The following RELN variants were observed in gnomAD, a reference collection of about 807,000 sequenced individuals.
RELN encodes the protein reelin.
A neutral mutation model predicts 427.6 loss-of-function variants in RELN; 108 were observed. The observed-to-expected ratio is 0.25, with a 90% CI of 0.22 to 0.30. RELN has a LOEUF of 0.30. Ranked by LOEUF, RELN falls within the 10% of genes least tolerant of loss-of-function variation. RELN has a pLI of 1.00. For missense variants in RELN, 3,715 were observed against 4,302.8 expected (o/e 0.86, Z 3.82); for synonymous variants, 1,524 against 1,513.4 (o/e 1.01, Z -0.16).
Position 103,557,063 on chromosome 7 carries a change from G to A in RELN, c.5711C>T (p.Thr1904Met), listed in dbSNP as rs114190729. 822 of 1,613,258 alleles carry A rather than the reference G, an allele frequency of 5.1e-4. No homozygotes were observed. The highest frequency in any genetic ancestry group is 1.0e-3 in the East Asian group (45 of 44,870). ...LMDEFYFPQT[T>M]NILFINVPLP... ...GGGAACATTGATGAAAAGTATATTC[G>A]TTGTTTGAGGAAAGTAAAATTCATC... The change falls in exon 38 of 65, where the codon ACG becomes ATG. Residue 1904 changes from threonine to methionine, a missense_variant. Around this residue, in one of 4 missense-constraint regions of RELN, gnomAD observed 2,208 missense variants for 2,361.7 expected, o/e 0.93. Transcript: ENST00000428762.
rs113185313 is a variant in RELN at position 103,836,482 on chromosome 7, C to T, written c.338-2810G>A. Among the ~76,000 whole-genome samples, 1,354 of 152,234 alleles carry T rather than the reference C, an allele frequency of 8.9e-3. 20 individuals are homozygous for T. Among genetic ancestry groups the T allele is most frequent in the African/African-American group, 0.03 (1,259 of 41,526 alleles). ...TCATAGAAAGCTCTATTGATGTCAC[C>T]GGCCTTCAAGAAGACTCTGAATAGT... On this transcript the variant is annotated intron_variant, in intron 2 of 64. Coordinates refer to ENST00000428762, the MANE Select transcript of RELN (RefSeq NM_005045.4).
intron 41 of RELN, among the ~76,000 whole-genome samples, chr7:103,546,437 C>T (rs745342132): frequency 2.0e-5 from 3 of 152,152 alleles, no homozygotes; most frequent in Non-Finnish European, 2.9e-5. Context: ...TTTTTGGCTA[C>T]TGTGAATAGT....
At chr7:103,490,374 G>T (rs776661237) in intron 59 of RELN, among the ~76,000 whole-genome samples, 1 of 152,070 alleles carries the variant, frequency 6.6e-6, no homozygotes, top group Non-Finnish European at 1.5e-5. Context: ...CTTGGATTGG[G>T]GTCTGTCATT....
intron 11 of RELN, among the ~76,000 whole-genome samples, chr7:103,680,810 G>A (rs1453740173): frequency 6.6e-6 from 1 of 152,032 alleles, no homozygotes; most frequent in Non-Finnish European, 1.5e-5. Flanking sequence ...GAAACTTCAG[G>A]GTGTCAGGAA....
intron 6 of RELN, among the ~76,000 whole-genome samples, chr7:103,728,498 CAT>C (rs1193808693): frequency 9.9e-5 from 15 of 152,120 alleles, no homozygotes; most frequent in African/African-American, 3.4e-4. Context: ...CTAAATCTCA[CAT>C]AGTTATTGTG....
At chr7:103,924,991 T>TACAC (rs57662220) in intron 1 of RELN, among the ~76,000 whole-genome samples, 5,211 of 48,604 alleles carry the variant, frequency 0.11, 141 homozygotes, top group Non-Finnish European at 0.17. Context: ...CGCATACACA[T>TACAC]ACACACACAC....
intron 3 of RELN, among the ~76,000 whole-genome samples, chr7:103,783,624 C>T (rs1791948112): frequency 6.6e-6 from 1 of 152,126 alleles, no homozygotes; most frequent in Admixed American, 6.6e-5. Context: ...CAAAGTCTAC[C>T]TGTCCTTAAA....
chr7:103,805,856 C>T (rs1348270311), intron 3 of RELN, among the ~76,000 whole-genome samples: 10 of 152,128 alleles, frequency 6.6e-5, no homozygotes, highest in Admixed American at 6.6e-4. Context: ...CTAGAGAGGA[C>T]AGTGATTGCC....
intron 8 of RELN, among the ~76,000 whole-genome samples, chr7:103,718,335 A>G (rs1343457382): frequency 3.7e-4 from 20 of 53,574 alleles, no homozygotes; most frequent in African/African-American, 1.6e-3. Flanking sequence ...AAAGCAGCAA[A>G]AAAAAAAAAA....
chr7:103,655,400 C>T (rs1833003253), intron 12 of RELN, among the ~76,000 whole-genome samples: 1 of 152,020 alleles, frequency 6.6e-6, no homozygotes, highest in East Asian at 1.9e-4. Context: ...TATCTACAGG[C>T]AATTGCTGTT....
At chr7:103,816,698 G>A (rs1261115912) in intron 3 of RELN, among the ~76,000 whole-genome samples, 2 of 152,066 alleles carry the variant, frequency 1.3e-5, no homozygotes, top group South Asian at 4.1e-4. Context: ...GGCCTTGAGA[G>A]GCTTCTCCAA....
intron 3 of RELN, among the ~76,000 whole-genome samples, chr7:103,786,427 G>A (rs985572394): frequency 7.4e-5 from 11 of 149,520 alleles, no homozygotes; most frequent in African/African-American, 2.7e-4. Context: ...ACCCATCAAT[G>A]TGCTGTATTC....
At chr7:103,478,348 T>A in intron 64 of RELN, 41 bp downstream of exon 64, 1 of 749,946 alleles carries the variant, frequency 1.3e-6, no homozygotes, top group African/African-American at 1.7e-5. Flanking sequence ...CTGATGAAAC[T>A]ATTAGTAAAC....
At chr7:103,606,377 A>T (rs1010536661) in intron 22 of RELN, among the ~76,000 whole-genome samples, 2 of 152,212 alleles carry the variant, frequency 1.3e-5, no homozygotes, top group Non-Finnish European at 2.9e-5. Flanking sequence ...TGAAGAATGT[A>T]CTAGTAGTTG....
Position 103,831,135 on chromosome 7 carries a change from AAGT to A in RELN, c.473+2399_473+2401del, listed in dbSNP as rs202076628. ...TTCAATTAAAAACATATCTGTTTGA[AAGT>A]AGGCAGTTCTATATTGCTGATATAG... On this transcript the variant is annotated intron_variant, in intron 3 of 64. Coordinates refer to ENST00000428762, the MANE Select transcript of RELN (RefSeq NM_005045.4). 5.7e-3 allele frequency among the ~76,000 whole-genome samples: 875 copies of A among 152,236 alleles called. 6 individuals are homozygous for A. The highest frequency in any genetic ancestry group is 0.02 in the African/African-American group (840 of 41,570).
intron 51 of RELN, among the ~76,000 whole-genome samples, chr7:103,503,473 G>A (rs1393376757): frequency 1.3e-5 from 2 of 152,120 alleles, no homozygotes; most frequent in African/African-American, 2.4e-5. Context: ...CTCAGACCCC[G>A]TGCTTCTGCC....
chr7:103,956,335 T>A (rs568859558), intron 1 of RELN, among the ~76,000 whole-genome samples: 1 of 152,308 alleles, frequency 6.6e-6, no homozygotes, highest in African/African-American at 2.4e-5. Flanking sequence ...GTAAAACTGA[T>A]TTTAGTGTTA....
intron 2 of RELN, among the ~76,000 whole-genome samples, chr7:103,841,575 C>T (rs1793552645): frequency 1.3e-5 from 2 of 152,056 alleles, no homozygotes; most frequent in African/African-American, 4.8e-5. Context: ...TTGACAAGTC[C>T]TCAGTTATTT....
At chr7:103,904,739 G>C (rs1038886419) in intron 2 of RELN, among the ~76,000 whole-genome samples, 5 of 152,232 alleles carry the variant, frequency 3.3e-5, no homozygotes, top group African/African-American at 7.2e-5. Flanking sequence ...AATTATATGA[G>C]AAAGGTGCTG....
Sources: allele counts gnomAD v4.1 joint callset (sites outside exome capture counted in the v4.1 genomes callset), GRCh38; gene constraint gnomAD v4.1.1; regional missense constraint gnomAD v4.1.1; transcripts MANE v1.5; gene names NCBI Gene and HGNC (gene_info 2026-07-23, HGNC 2026-07-21).